Variants in ABI3BP observed in about 807,000 individuals in gnomAD.
The protein encoded by ABI3BP is ABI family member 3 binding protein, also known as target of Nesh-SH3.
A neutral mutation model predicts 268.6 loss-of-function variants in ABI3BP; 216 were observed. The ratio of observed to expected loss-of-function variants is 0.80; its 90% confidence interval spans 0.72 to 0.90. The LOEUF (loss-of-function observed/expected upper bound fraction) is 0.90, where lower values mean the gene tolerates loss of function less well. Ranked by LOEUF, ABI3BP falls within the 40% of genes least tolerant of loss-of-function variation. ABI3BP has a pLI of 0.00. For synonymous variants in ABI3BP, 730 were observed against 730.0 expected, an observed-to-expected ratio of 1.00 and a Z score of 0.00; for missense variants, 2,090 against 2,182.4, an observed-to-expected ratio of 0.96 and a Z score of 0.84.
intron 2 of ABI3BP, among the ~76,000 whole-genome samples, chr3:100,916,062 C>T (rs916255476): frequency 3.9e-5 from 6 of 152,076 alleles, no homozygotes; most frequent in East Asian, 1.9e-4. Flanking sequence ...ATATGTGCAC[C>T]CCACAGAGAA....
chr3:100,796,757 G>A (rs1318518920), intron 51 of ABI3BP, among the ~76,000 whole-genome samples: 1 of 152,036 alleles, frequency 6.6e-6, no homozygotes, highest in Non-Finnish European at 1.5e-5. Flanking sequence ...ATGAGGTAGA[G>A]CTCCCTCAAG....
At chr3:100,849,657 T>C (rs2098816760) in intron 17 of ABI3BP, among the ~76,000 whole-genome samples, 1 of 152,222 alleles carries the variant, frequency 6.6e-6, no homozygotes, top group Admixed American at 6.5e-5. Flanking sequence ...TGTCCAGGAC[T>C]GCAAAGCCTA....
intron 4 of ABI3BP, among the ~76,000 whole-genome samples, chr3:100,894,819 G>GT (rs1409549977): frequency 6.6e-6 from 1 of 151,226 alleles, no homozygotes; most frequent in Non-Finnish European, 1.5e-5. Context: ...GGTGCCTGTA[G>GT]TCCCAGCTAC....
rs192487625 is a variant in ABI3BP, at chr3:100,974,161, A to C, written c.79+19145T>G. On this transcript the variant is annotated intron_variant, in intron 1 of 67. Transcript: ENST00000471714. ...GCAATTGAAATCTTCATACCTTGCT[A>C]TTAAAAAAATGTTGTAGCCACTTAG... Among the ~76,000 whole-genome samples the C allele has an allele frequency of 8.8e-4, 134 of 152,322 alleles. 1 individual carries two copies. The highest frequency in any genetic ancestry group is 3.0e-3 in the African/African-American group (125 of 41,580).
chr3:100,859,536 T>C (rs1050940428), intron 14 of ABI3BP, among the ~76,000 whole-genome samples: 1 of 152,150 alleles, frequency 6.6e-6, no homozygotes, highest in Middle Eastern at 3.2e-3. Flanking sequence ...AAAATACCTA[T>C]TATGTATGTT....
Position 100,789,962 on chromosome 3 carries a change from G to T in ABI3BP, c.4025-446C>A, listed in dbSNP as rs79091820. On this transcript the variant is annotated intron_variant, in intron 55 of 67. Transcript: ENST00000471714. ...AAGGTAAAAAGAGATTGAATGTTTA[G>T]GTAGGTAAAGAAGAAAGAGTAGGAG... 7.1e-3 allele frequency among the ~76,000 whole-genome samples: 1,083 copies of T among 152,002 alleles called. 10 individuals are homozygous for T. The highest frequency in any genetic ancestry group is 0.02 in the Middle Eastern group (6 of 294).
intron 28 of ABI3BP, among the ~76,000 whole-genome samples, chr3:100,835,396 T>C (rs76077617): frequency 0.048 from 7,251 of 152,244 alleles, 215 homozygotes; most frequent in Non-Finnish European, 0.053. Flanking sequence ...GGGACACAGA[T>C]GCTGTTCACT....
At position 100,846,458 on chromosome 3, in the gene ABI3BP, A is replaced by C. The variant is rs2098769620; in HGVS notation, c.1649-12T>G. 9 of 1,556,314 alleles carry C rather than the reference A, an allele frequency of 5.8e-6. No individual in the cohort carries two copies. The highest frequency in any genetic ancestry group is 7.9e-6 in the Non-Finnish European group (9 of 1,145,376). On this transcript the variant is annotated splice_polypyrimidine_tract_variant and intron_variant, in intron 19 of 67. Coordinates refer to ENST00000471714, the MANE Select transcript of ABI3BP (RefSeq NM_001375547.2). Reference sequence around the variant, plus strand: ...TGTTTTACCGGGAGCTGGAAAAATAAAGAAACAAAATAATAAACAAATCAA... The same window carrying C: ...TGTTTTACCGGGAGCTGGAAAAATACAGAAACAAAATAATAAACAAATCAA...
At chr3:100,834,506 G>A (rs187372775) in intron 29 of ABI3BP, among the ~76,000 whole-genome samples, 178 bp downstream of exon 29, 7 of 152,224 alleles carry the variant, frequency 4.6e-5, no homozygotes, top group East Asian at 1.9e-4. Flanking sequence ...AGGTCCTCAC[G>A]CAATCAGAAT....
At chr3:100,764,320 T>C (rs1381784077) in intron 63 of ABI3BP, among the ~76,000 whole-genome samples, 1 of 152,220 alleles carries the variant, frequency 6.6e-6, no homozygotes, top group African/African-American at 2.4e-5. Flanking sequence ...CTCACTACTT[T>C]GTGTAGAATC....
chr3:100,856,329 C>T (rs2098939734), intron 14 of ABI3BP, among the ~76,000 whole-genome samples: 1 of 152,166 alleles, frequency 6.6e-6, no homozygotes, highest in Non-Finnish European at 1.5e-5. Context: ...ATGCAATTTA[C>T]TCTACTTCTA....
Position 100,838,481 on chromosome 3 carries a change from T to C in ABI3BP, c.1946-17A>G. On this transcript the variant is annotated splice_polypyrimidine_tract_variant and intron_variant, in intron 24 of 67. Coordinates refer to ENST00000471714, the MANE Select transcript of ABI3BP (RefSeq NM_001375547.2). Reference sequence around the variant, plus strand: ...GTTTTGAGGCTAAAGAAAAAGGTATTAAAATTACCACAATGGGTCATGGCT... The same window carrying C: ...GTTTTGAGGCTAAAGAAAAAGGTATCAAAATTACCACAATGGGTCATGGCT... 6.5e-7 allele frequency: 1 copy of C among 1,527,498 alleles called. No individual in the cohort carries two copies. The highest frequency in any genetic ancestry group is 8.8e-7 in the Non-Finnish European group (1 of 1,139,360). The allele number at this position is 1,527,498 out of a possible 1,614,324, so 94.6% of individuals were successfully genotyped here. A position where few individuals can be genotyped will look rare whatever the true frequency, so the allele number is the denominator to read the frequency against.
At chr3:100,862,410 G>T (rs1319028391) in intron 13 of ABI3BP, 25 bp from the exon 14 acceptor site, 2 of 1,500,686 alleles carry the variant, frequency 1.3e-6, no homozygotes, top group Admixed American at 2.3e-5. Context: ...AATGGAATTT[G>T]CTGAAGATTT....
intron 37 of ABI3BP, 56 bp from the exon 38 acceptor site, chr3:100,822,728 G>C (rs1192666048): frequency 3.4e-6 from 5 of 1,463,968 alleles, no homozygotes; most frequent in Non-Finnish European, 1.8e-6. Context: ...GATTCTGGAA[G>C]CTGTGTGAGG....
intron 1 of ABI3BP, among the ~76,000 whole-genome samples, chr3:100,984,141 G>T (rs1386146344): frequency 4.9e-5 from 5 of 101,992 alleles, no homozygotes; most frequent in African/African-American, 1.9e-4. Context: ...ATCACCTGAG[G>T]AGTTAAAAAA....
chr3:100,909,241 C>T (rs1312996480), intron 2 of ABI3BP, among the ~76,000 whole-genome samples: 2 of 152,098 alleles, frequency 1.3e-5, no homozygotes, highest in African/African-American at 4.8e-5. Flanking sequence ...TTCCTTACAC[C>T]TTATACAAAA....
intron 37 of ABI3BP, among the ~76,000 whole-genome samples, chr3:100,822,998 T>C (rs2152692341): frequency 6.6e-6 from 1 of 152,294 alleles, no homozygotes; most frequent in South Asian, 2.1e-4. Flanking sequence ...ATTTACAACT[T>C]ACTCTTTCAA....
In ABI3BP at chr3:100,815,927, G is replaced by T. The variant is rs2098026445; in HGVS notation, c.3274C>A (p.Pro1092Thr). 2.0e-6 allele frequency: 3 copies of T among 1,523,584 alleles called. No homozygotes were observed. The East Asian group carries it at 7.4e-5, about 37-fold the overall frequency. The allele number at this position is 1,523,584 out of a possible 1,614,324, so 94.4% of individuals were successfully genotyped here. A position where few individuals can be genotyped will look rare whatever the true frequency, so the allele number is the denominator to read the frequency against. ...FEPVVHSTDA[P>T]GTTFALTELQ... ...AAATCATTACCAAATGTTGTTCCTG[G>T]AGCATCAGTACTATGAACAACAGGT... Residue 1092 changes from proline (P) to threonine (T), a missense_variant, in exon 44 of 68, where the codon CCA (proline) becomes ACA (threonine). Physicochemically the swap from Pro to Thr is conservative, Grantham distance 38 (BLOSUM62 -1). Coordinates refer to ENST00000471714, the MANE Select transcript of ABI3BP (RefSeq NM_001375547.2).
chr3:100,821,253 AAAGT>A (rs1338242781), intron 38 of ABI3BP, 140 bp from the exon 39 acceptor site: 13 of 702,286 alleles, frequency 1.9e-5, no homozygotes, highest in Admixed American at 2.8e-5. Context: ...TAAAACTAAA[AAAGT>A]AGACAGTTGA....
Sources: gnomAD v4.1 joint callset for allele counts (sites outside exome capture counted in the v4.1 genomes callset) on GRCh38, gnomAD v4.1.1 for gene constraint, MANE v1.5 for transcripts, NCBI Gene and HGNC (gene_info 2026-07-23, HGNC 2026-07-21) for gene names.